LRP1B: variants seen among roughly 807,000 people sequenced by gnomAD.
The protein encoded by LRP1B is low-density lipoprotein receptor-related protein 1B.
LRP1B carries 217 observed loss-of-function variants against 556.6 expected under a neutral mutation model. That is an observed-to-expected ratio of 0.39 (90% confidence interval 0.35 to 0.44). The LOEUF is 0.44. LRP1B is among the 20% of genes least tolerant of loss of function. The pLI, the probability that LRP1B is intolerant of heterozygous loss-of-function variation, is 1.00. For missense variants in LRP1B, 5,053 were observed against 5,620.8 expected (o/e 0.90, Z 3.23); for synonymous variants, 2,047 against 1,865.8 (o/e 1.10, Z -2.50).
intron 2 of LRP1B, among the ~76,000 whole-genome samples, chr2:141,555,135 C>G (rs895878747): frequency 2.6e-5 from 4 of 151,956 alleles, no homozygotes; most frequent in Admixed American, 6.6e-5. Flanking sequence ...GAGATATACA[C>G]ATACAGATGC....
At chr2:140,804,942 A>C (rs1038391012) in intron 32 of LRP1B, among the ~76,000 whole-genome samples, 2 of 151,944 alleles carry the variant, frequency 1.3e-5, no homozygotes, top group Non-Finnish European at 2.9e-5. Context: ...TGATAACTTC[A>C]AGTTTGTGAG....
Position 140,867,815 on chromosome 2 carries a change from C to G in LRP1B, c.4354G>C (p.Ala1452Pro), listed in dbSNP as rs2105154373. 1 of 1,563,486 alleles carries G rather than the reference C, an allele frequency of 6.4e-7. No individual in the cohort carries two copies. The highest frequency in any genetic ancestry group is 1.2e-5 in the South Asian group (1 of 82,618). ...ATCATGTTTGTTCCATCATAGAGGG[C>G]TGAATAAATAGCATCTGACCTACAG... ...TDARSDAIYS[A>P]LYDGTNMIEI... Residue 1452 changes from alanine (A) to proline (P), a missense_variant, in exon 27 of 91, where the codon GCC (alanine) becomes CCC (proline). By Grantham distance (27) the Ala-to-Pro change is conservative. Coordinates refer to ENST00000389484, the MANE Select transcript of LRP1B (RefSeq NM_018557.3).
chr2:141,995,374 A>AT (rs1702462602), intron 1 of LRP1B, among the ~76,000 whole-genome samples: 1 of 152,104 alleles, frequency 6.6e-6, no homozygotes, highest in Non-Finnish European at 1.5e-5. Context: ...TTCTCACTGA[A>AT]TATCACTCTT....
intron 23 of LRP1B, among the ~76,000 whole-genome samples, chr2:140,894,993 C>A (rs1171506052): frequency 1.3e-5 from 2 of 150,832 alleles, no homozygotes; most frequent in Non-Finnish European, 2.9e-5. Flanking sequence ...CCACAGTAAT[C>A]AGATCTGGGG....
intron 46 of LRP1B, among the ~76,000 whole-genome samples, chr2:140,535,721 T>C (rs938382027): frequency 6.6e-6 from 1 of 152,130 alleles, no homozygotes; most frequent in Non-Finnish European, 1.5e-5. Flanking sequence ...TGATTATCAA[T>C]GATCATGCAA....
intron 1 of LRP1B, among the ~76,000 whole-genome samples, chr2:141,902,523 C>G (rs1020291666): frequency 6.6e-6 from 1 of 151,940 alleles, no homozygotes; most frequent in Non-Finnish European, 1.5e-5. Flanking sequence ...CAAGTGGTCA[C>G]AGAGAAGAGT....
At chr2:140,700,756 A>G in intron 40 of LRP1B, 135 bp from the exon 41 acceptor site, 1 of 893,264 alleles carries the variant, frequency 1.1e-6, no homozygotes, top group Non-Finnish European at 1.7e-6. Flanking sequence ...AAGCTGGTCA[A>G]TAAAAAATTA....
At chr2:140,446,108 A>C (rs1573948003) in intron 63 of LRP1B, among the ~76,000 whole-genome samples, 1 of 151,970 alleles carries the variant, frequency 6.6e-6, no homozygotes, top group African/African-American at 2.4e-5. Flanking sequence ...CATTTTGTTA[A>C]TTAATAATAC....
At position 142,130,808 on chromosome 2, in the gene LRP1B, G is replaced by A; in HGVS notation, c.-79C>T. On this transcript the variant is annotated 5_prime_UTR_variant, in exon 1 of 91. Coordinates refer to ENST00000389484, the MANE Select transcript of LRP1B (RefSeq NM_018557.3). ...GCCCGGCGGCGGCGGCGGCGGCAGG[G>A]GCCGCTTGGAGCCTGGAATCGAGCG... 1 of 1,105,758 alleles carries A rather than the reference G, an allele frequency of 9.0e-7. No individual in the cohort carries two copies. The highest frequency in any genetic ancestry group is 1.4e-6 in the Non-Finnish European group (1 of 739,086). The allele number at this position is 1,105,758 out of a possible 1,614,324, so 68.5% of individuals were successfully genotyped here.
intron 14 of LRP1B, among the ~76,000 whole-genome samples, chr2:141,010,405 A>C (rs1697706133): frequency 6.6e-6 from 1 of 152,042 alleles, no homozygotes. Context: ...CTTTACACTA[A>C]ATCCCCAAGA....
intron 3 of LRP1B, among the ~76,000 whole-genome samples, chr2:141,400,781 T>C (rs1690423597): frequency 6.6e-6 from 1 of 152,204 alleles, no homozygotes; most frequent in South Asian, 2.1e-4. Flanking sequence ...AAATATTTAA[T>C]TTCACCTTCC....
intron 7 of LRP1B, among the ~76,000 whole-genome samples, chr2:141,122,754 A>G (rs1468516942): frequency 6.6e-6 from 1 of 152,202 alleles, no homozygotes; most frequent in Non-Finnish European, 1.5e-5. Flanking sequence ...TACTGGGCAT[A>G]TACCTAAAGG....
intron 3 of LRP1B, among the ~76,000 whole-genome samples, chr2:141,342,416 C>A (rs1033311): frequency 0.61 from 92,632 of 151,400 alleles, 29,323 homozygotes; most frequent in African/African-American, 0.71. Context: ...ACATTATGGC[C>A]AAAAGGTAAT....
chr2:141,966,900 G>A (rs1212125627), intron 1 of LRP1B, among the ~76,000 whole-genome samples: 1 of 151,762 alleles, frequency 6.6e-6, no homozygotes, highest in Non-Finnish European at 1.5e-5. Flanking sequence ...AGATGGACTG[G>A]ATACTTCAGC....
At chr2:141,311,184 T>C (rs1686799763) in intron 3 of LRP1B, among the ~76,000 whole-genome samples, 1 of 152,216 alleles carries the variant, frequency 6.6e-6, no homozygotes, top group Non-Finnish European at 1.5e-5. Flanking sequence ...AATTTGTCTC[T>C]AATAGAGAAC....
chr2:141,681,305 T>C (rs2105429996), intron 2 of LRP1B, among the ~76,000 whole-genome samples: 1 of 151,932 alleles, frequency 6.6e-6, no homozygotes, highest in African/African-American at 2.4e-5. Context: ...AAAATAGATA[T>C]ACTCTATTGA....
At chr2:140,713,146 CTGAG>C (rs1041985157) in intron 37 of LRP1B, among the ~76,000 whole-genome samples, 2 of 151,960 alleles carry the variant, frequency 1.3e-5, no homozygotes, top group African/African-American at 4.8e-5. Context: ...GTATGCTTTA[CTGAG>C]TATTTCCTCT....
rs553201558 is a variant in LRP1B at position 140,245,308 on chromosome 2, C to G, written c.13324+1778G>C. Among the ~76,000 whole-genome samples, 11 of 151,498 alleles carry G rather than the reference C, an allele frequency of 7.3e-5. No homozygotes were observed. The South Asian group carries it at 2.3e-3, about 31-fold the overall frequency. On this transcript the variant is annotated intron_variant, in intron 87 of 90. Coordinates refer to ENST00000389484, the MANE Select transcript of LRP1B (RefSeq NM_018557.3). ...CCCATACAAATCGTTGGAGACCCCA[C>G]TCTCTAACGGGAACACCTGGAGCAT...
chr2:141,272,493 T>C lies in LRP1B; in HGVS notation c.344-17852A>G, dbSNP rs1233444204. 3.3e-5 allele frequency among the ~76,000 whole-genome samples: 5 copies of C among 152,006 alleles called. No homozygotes were observed. In the East Asian group the frequency reaches 9.6e-4, roughly 29 times the overall value. Reference sequence around the variant, plus strand: ...TATCAATAATGACATTAAATGTAAATGGATTAAACACGAAATCCAAAGTCA... The same window carrying C: ...TATCAATAATGACATTAAATGTAAACGGATTAAACACGAAATCCAAAGTCA... On this transcript the variant is annotated intron_variant, in intron 3 of 90. Transcript: ENST00000389484.
Sources: gnomAD v4.1 joint callset for allele counts (sites outside exome capture counted in the v4.1 genomes callset) on GRCh38, gnomAD v4.1.1 for gene constraint, MANE v1.5 for transcripts, NCBI Gene and HGNC (gene_info 2026-07-23, HGNC 2026-07-21) for gene names.